Variants in ZDHHC21 observed in about 807,000 individuals in gnomAD.
The protein encoded by ZDHHC21 is palmitoyltransferase ZDHHC21.
A neutral mutation model predicts 34.6 loss-of-function variants in ZDHHC21; 15 were observed. The observed-to-expected ratio is 0.43, with a 90% confidence interval of 0.29 to 0.67. The LOEUF (loss-of-function observed/expected upper bound fraction) is 0.67, where lower values mean the gene tolerates loss of function less well. ZDHHC21 is among the 30% of genes least tolerant of loss of function. ZDHHC21 has a pLI of 0.14. For missense variants in ZDHHC21, 344 were observed against 327.7 expected (o/e 1.05, Z -0.38); for synonymous variants, 142 against 101.8 (o/e 1.40, Z -2.38).
At chr9:14,660,009 C>T (rs1017200280) in intron 6 of ZDHHC21, among the ~76,000 whole-genome samples, 66 of 152,158 alleles carry the variant, frequency 4.3e-4, no homozygotes, top group African/African-American at 1.5e-3. Context: ...ACCAGAACAG[C>T]TTTAAGAAGC....
At chr9:14,678,509 T>C (rs994758270) in intron 3 of ZDHHC21, among the ~76,000 whole-genome samples, 7 of 152,038 alleles carry the variant, frequency 4.6e-5, no homozygotes, top group African/African-American at 1.7e-4. Context: ...GAAAAACTTT[T>C]AGAAAGATGA....
At chr9:14,654,017 A>G (rs2133861567) in intron 7 of ZDHHC21, among the ~76,000 whole-genome samples, 1 of 152,128 alleles carries the variant, frequency 6.6e-6, no homozygotes, top group South Asian at 2.1e-4. Context: ...TATATTCTGC[A>G]CTGCTTTTTA....
chr9:14,683,085 G>A (rs10810214), intron 2 of ZDHHC21, among the ~76,000 whole-genome samples: 59,723 of 151,822 alleles, frequency 0.39, 11,843 homozygotes, highest in Non-Finnish European at 0.4. Context: ...AGAAAGCAGG[G>A]AAGATCTAAA....
the ZDHHC21 span, among the ~76,000 whole-genome samples, chr9:14,591,105 A>T: frequency 6.6e-6 from 1 of 152,156 alleles, no homozygotes; most frequent in East Asian, 1.9e-4. Context: ...AAAGAGGTAT[A>T]CCTCATAAAC....
chr9:14,605,780 A>T, the ZDHHC21 span, among the ~76,000 whole-genome samples: 91 of 152,110 alleles, frequency 6.0e-4, no homozygotes, highest in African/African-American at 2.1e-3. Flanking sequence ...ATTTTCCCCT[A>T]TGTTTTCTTT....
chr9:14,677,762 G>C (rs1245645694), intron 3 of ZDHHC21, among the ~76,000 whole-genome samples: 2 of 152,008 alleles, frequency 1.3e-5, no homozygotes, highest in East Asian at 3.8e-4. Flanking sequence ...TAATAAACCA[G>C]ACTGAGTAAA....
intron 7 of ZDHHC21, among the ~76,000 whole-genome samples, chr9:14,656,291 C>G (rs1832193228): frequency 6.6e-6 from 1 of 151,852 alleles, no homozygotes; most frequent in Non-Finnish European, 1.5e-5. Flanking sequence ...TTTAGCTTTA[C>G]TCTATTAAAC....
At chr9:14,648,060 C>G (rs753329233) in intron 7 of ZDHHC21, among the ~76,000 whole-genome samples, 5 of 152,042 alleles carry the variant, frequency 3.3e-5, no homozygotes, top group African/African-American at 4.8e-5. Context: ...CAGGCTCCCC[C>G]TCTCGGTAAC....
chr9:14,675,334 G>A (rs766370540), intron 3 of ZDHHC21, among the ~76,000 whole-genome samples: 5 of 151,810 alleles, frequency 3.3e-5, no homozygotes, highest in Non-Finnish European at 5.9e-5. Context: ...AAATACAATG[G>A]TATAATAATA....
chr9:14,665,596 G>C (rs1189002630), intron 5 of ZDHHC21, among the ~76,000 whole-genome samples: 1 of 147,652 alleles, frequency 6.8e-6, no homozygotes, highest in Non-Finnish European at 1.5e-5. Flanking sequence ...GGCAGCCAGA[G>C]AGAAAGGTCG....
At chr9:14,621,230 T>C (rs533280025) in intron 8 of ZDHHC21, among the ~76,000 whole-genome samples, 1 of 152,104 alleles carries the variant, frequency 6.6e-6, no homozygotes, top group South Asian at 2.1e-4. Flanking sequence ...TGGCCTAAGA[T>C]CACAGATGTG....
At chr9:14,675,657 TGAA>T (rs909310115) in intron 3 of ZDHHC21, among the ~76,000 whole-genome samples, 2 of 151,942 alleles carry the variant, frequency 1.3e-5, no homozygotes, top group South Asian at 2.1e-4. Context: ...GATACAATGA[TGAA>T]GAAGACATGG....
Position 14,662,222 on chromosome 9 carries a change from A to G in ZDHHC21, c.358T>C (p.Cys120Arg). ...GAAGTGAATTATTCTTACCATGGACAGTGATGATCCATTCTCCTCACACAG... is the reference window on the plus strand; with the variant it reads ...GAAGTGAATTATTCTTACCATGGACGGTGATGATCCATTCTCCTCACACAG... ...GHCVRRMDHH[C>R]PWINNCVGED... Residue 120 changes from cysteine to arginine, a missense_variant, in exon 6 of 10, where the codon TGT becomes CGT. Transcript: ENST00000380916. 1 of 1,603,124 alleles carries G rather than the reference A, an allele frequency of 6.2e-7. No individual in the cohort carries two copies. Among genetic ancestry groups the G allele is most frequent in the Non-Finnish European group, 8.5e-7 (1 of 1,175,274 alleles).
chr9:14,666,191 T>A, intron 5 of ZDHHC21, among the ~76,000 whole-genome samples: 1 of 108,844 alleles, frequency 9.2e-6, no homozygotes, highest in African/African-American at 3.4e-5. Flanking sequence ...AAGGCAGGGG[T>A]TGCAATCCTA....
chr9:14,659,500 A>G (rs1832962583), intron 6 of ZDHHC21, among the ~76,000 whole-genome samples: 1 of 152,232 alleles, frequency 6.6e-6, no homozygotes, highest in Non-Finnish European at 1.5e-5. Flanking sequence ...TTAATGTTAC[A>G]ATAAAAAATT....
intron 7 of ZDHHC21, among the ~76,000 whole-genome samples, chr9:14,644,671 T>C (rs1195008223): frequency 6.6e-6 from 1 of 152,036 alleles, no homozygotes; most frequent in Admixed American, 6.6e-5. Flanking sequence ...TCTGTTAATG[T>C]GATAAAATAT....
intron 8 of ZDHHC21, among the ~76,000 whole-genome samples, chr9:14,628,531 T>C (rs1826714350): frequency 6.6e-6 from 1 of 152,134 alleles, no homozygotes; most frequent in African/African-American, 2.4e-5. Context: ...TGAAATGATA[T>C]CCGTATCAGT....
chr9:14,639,529 A>C (rs1564256466), intron 8 of ZDHHC21, among the ~76,000 whole-genome samples: 1 of 152,224 alleles, frequency 6.6e-6, no homozygotes, highest in East Asian at 1.9e-4. Flanking sequence ...TATAGAAATG[A>C]TAAATACTCA....
rs1288573506 is a variant in ZDHHC21 at position 14,614,998 on chromosome 9, TAGAGA to T, written c.*3963_*3967del. 2.6e-5 allele frequency: 4 copies of T among 151,640 alleles called. No individual in the cohort carries two copies. The highest frequency in any genetic ancestry group is 5.9e-5 in the Non-Finnish European group (4 of 67,686). The allele number at this position is 151,640 out of a possible 1,614,324, so 9.4% of individuals were successfully genotyped here. A position where few individuals can be genotyped will look rare whatever the true frequency, so the allele number is the denominator to read the frequency against. On this transcript the variant is annotated 3_prime_UTR_variant, in exon 10 of 10. Coordinates refer to ENST00000380916, the MANE Select transcript of ZDHHC21 (RefSeq NM_178566.6). The stretch of plus-strand genomic sequence containing the variant: ...CAGGAAGCGCAAGAGAAGCAGAGAC[TAGAGA>T]AAAGTCCAGAGAGAGACTAGCAGCT...
Sources: gnomAD v4.1 joint callset for allele counts (sites outside exome capture counted in the v4.1 genomes callset) on GRCh38, gnomAD v4.1.1 for gene constraint, MANE v1.5 for transcripts, NCBI Gene and HGNC (gene_info 2026-07-23, HGNC 2026-07-21) for gene names.